The following JMJD1C variants were observed in gnomAD, a reference collection of about 807,000 sequenced individuals.
JMJD1C encodes jumonji domain-containing protein 1C.
In JMJD1C, 31 loss-of-function variants were observed where a neutral mutation model predicts 245.3. The observed-to-expected ratio is 0.13, with a 90% CI of 0.09 to 0.17. JMJD1C has a LOEUF of 0.17. JMJD1C is among the 10% of genes least tolerant of loss of function. The pLI is 1.00. For synonymous variants in JMJD1C, 1,057 were observed against 1,017.4 expected (o/e 1.04, Z -0.74); for missense variants, 2,691 against 3,000.2 (o/e 0.90, Z 2.41).
chr10:63,371,661 C>T (rs1946332603), intron 2 of JMJD1C, among the ~76,000 whole-genome samples: 1 of 136,366 alleles, frequency 7.3e-6, no homozygotes, highest in Non-Finnish European at 1.7e-5. Flanking sequence ...AGAGTATGAA[C>T]TTCTTATGGT....
intron 2 of JMJD1C, among the ~76,000 whole-genome samples, chr10:63,339,623 T>TAAA (rs56674933): frequency 2.3e-4 from 35 of 150,578 alleles, no homozygotes; most frequent in South Asian, 6.3e-4. Context: ...ATCTCTAATT[T>TAAA]AAAAAAAAAA....
intron 2 of JMJD1C, among the ~76,000 whole-genome samples, chr10:63,362,269 A>C (rs1945442782): frequency 6.6e-6 from 1 of 151,734 alleles, no homozygotes; most frequent in Non-Finnish European, 1.5e-5. Context: ...GTTTGAAAGA[A>C]GTGTTTACCA....
chr10:63,490,703 C>T (rs184105652), intron 1 of JMJD1C, among the ~76,000 whole-genome samples: 80 of 152,114 alleles, frequency 5.3e-4, no homozygotes, highest in African/African-American at 1.9e-3. Context: ...CGTGAGCCAC[C>T]GCACCCAGCC....
At chr10:63,268,991 G>A (rs1855967749) in intron 2 of JMJD1C, 1 of 985,388 alleles carries the variant, frequency 1.0e-6, no homozygotes, top group Non-Finnish European at 1.2e-6. Flanking sequence ...CTCGCTCTTT[G>A]TCATCAGCAC....
At chr10:63,330,411 C>T (rs370926253) in intron 2 of JMJD1C, among the ~76,000 whole-genome samples, 3 of 152,016 alleles carry the variant, frequency 2.0e-5, no homozygotes, top group South Asian at 4.2e-4. Flanking sequence ...TTCTAGTTTA[C>T]CATAATGCTT....
At chr10:63,297,940 T>G (rs1310497044) in intron 2 of JMJD1C, among the ~76,000 whole-genome samples, 1 of 152,202 alleles carries the variant, frequency 6.6e-6, no homozygotes, top group Non-Finnish European at 1.5e-5. Context: ...ACACCCTTTT[T>G]GGGGGCTCTG....
chr10:63,416,861 A>T (rs1312121834), intron 1 of JMJD1C, among the ~76,000 whole-genome samples: 1 of 152,202 alleles, frequency 6.6e-6, no homozygotes, highest in Non-Finnish European at 1.5e-5. Flanking sequence ...GGTAAAAACT[A>T]AACAATTGAT....
At chr10:63,464,437 A>C (rs1953036526) in intron 1 of JMJD1C, among the ~76,000 whole-genome samples, 1 of 122,162 alleles carries the variant, frequency 8.2e-6, no homozygotes. Context: ...ATGCACACAA[A>C]GGGAAAAAAA....
chr10:63,404,998 A>C (rs1014599181), intron 1 of JMJD1C, among the ~76,000 whole-genome samples: 1 of 152,238 alleles, frequency 6.6e-6, no homozygotes, highest in African/African-American at 2.4e-5. Flanking sequence ...TGATACAATT[A>C]GTTCTTGCTC....
At chr10:63,353,061 A>G (rs905130341) in intron 2 of JMJD1C, among the ~76,000 whole-genome samples, 1 of 152,222 alleles carries the variant, frequency 6.6e-6, no homozygotes, top group Non-Finnish European at 1.5e-5. Flanking sequence ...AACATAAAAT[A>G]TATTACATTT....
At chr10:63,506,871 A>G (rs1055634369) in intron 1 of JMJD1C, among the ~76,000 whole-genome samples, 1 of 152,228 alleles carries the variant, frequency 6.6e-6, no homozygotes, top group African/African-American at 2.4e-5. Context: ...GCACTATTAT[A>G]GTACTGTACA....
Position 63,207,284 on chromosome 10 carries a change from T to TTAC in JMJD1C, c.4382_4384dup (p.Ser1461dup), listed in dbSNP as rs1328002548. 3 of 1,613,828 alleles carry TTAC rather than the reference T, an allele frequency of 1.9e-6. No homozygotes were observed. Among genetic ancestry groups the TTAC allele is most frequent in the Non-Finnish European group, 2.5e-6 (3 of 1,180,040 alleles). On this transcript the variant is annotated inframe_insertion, in exon 10 of 26. Coordinates refer to ENST00000399262, the MANE Select transcript of JMJD1C (RefSeq NM_032776.3). ...ACTGGGTTGAACAACACTTCCTGTC[T>TTAC]TACTACTGGCTAATGTAACTGGTGC...
At chr10:63,309,494 C>CAAAAAAAA (rs71025153) in intron 2 of JMJD1C, among the ~76,000 whole-genome samples, 8 of 49,408 alleles carry the variant, frequency 1.6e-4, no homozygotes, top group South Asian at 1.5e-3. Context: ...GACTCCATCT[C>CAAAAAAAA]AAAAAAAAAA....
At chr10:63,295,728 T>C (rs1859298785) in intron 2 of JMJD1C, among the ~76,000 whole-genome samples, 1 of 152,082 alleles carries the variant, frequency 6.6e-6, no homozygotes, top group Non-Finnish European at 1.5e-5. Flanking sequence ...AGTTACGCTC[T>C]GTAAAGCCCC....
At chr10:63,477,206 G>A (rs994567613) in intron 1 of JMJD1C, among the ~76,000 whole-genome samples, 6 of 151,936 alleles carry the variant, frequency 3.9e-5, no homozygotes, top group African/African-American at 1.5e-4. Context: ...CAAAATGATG[G>A]TATTAATTTT....
chr10:63,401,022 C>T (rs370521690), intron 1 of JMJD1C, among the ~76,000 whole-genome samples: 1 of 152,048 alleles, frequency 6.6e-6, no homozygotes, highest in Non-Finnish European at 1.5e-5. Flanking sequence ...CCACACCCGG[C>T]TAATTTTTGT....
At chr10:63,351,690 A>C (rs1471082597) in intron 2 of JMJD1C, among the ~76,000 whole-genome samples, 1 of 152,170 alleles carries the variant, frequency 6.6e-6, no homozygotes, top group African/African-American at 2.4e-5. Flanking sequence ...AGACCTACAA[A>C]GGGCTAACTA....
At chr10:63,314,531 A>G (rs976446781) in intron 2 of JMJD1C, among the ~76,000 whole-genome samples, 6 of 147,380 alleles carry the variant, frequency 4.1e-5, no homozygotes, top group African/African-American at 1.5e-4. Flanking sequence ...CTACAACCAG[A>G]GTGAGACCCT....
At position 63,193,122 on chromosome 10, in the gene JMJD1C, A is replaced by G. The variant is rs555740316; in HGVS notation, c.5892T>C (p.Asn1964=). ...ACTCAGGCATGCACAGAGAAATTTT[A>G]TTACTGTGATTAAGAACATTCTGTA... ...QVLQNVLNHS[N]KISLCMPESQ... The change falls in exon 16 of 26, where the codon AAT becomes AAC. Residue 1964 remains asparagine, a synonymous_variant. Coordinates refer to ENST00000399262, the MANE Select transcript of JMJD1C (RefSeq NM_032776.3). The G allele has an allele frequency of 6.2e-7, 1 of 1,613,494 alleles. No homozygotes were observed. The highest frequency in any genetic ancestry group is 1.1e-5 in the South Asian group (1 of 91,082).
Sources: gnomAD v4.1 joint callset for allele counts (sites outside exome capture counted in the v4.1 genomes callset) on GRCh38, gnomAD v4.1.1 for gene constraint, MANE v1.5 for transcripts, NCBI Gene and HGNC (gene_info 2026-07-23, HGNC 2026-07-21) for gene names.